Variants in LY86 observed in about 807,000 individuals in gnomAD.
The protein encoded by LY86 is lymphocyte antigen 86.
In LY86, 20 loss-of-function variants were observed where a neutral mutation model predicts 17.3. The ratio of observed to expected loss-of-function variants is 1.15; its 90% CI spans 0.81 to 1.68. The LOEUF is 1.68. Ranked by LOEUF, LY86 falls within the 40% of genes most tolerant of loss-of-function variation. The pLI is 0.00. For synonymous variants in LY86, 74 were observed against 70.6 expected (o/e 1.05, Z -0.24); for missense variants, 200 against 191.9 (o/e 1.04, Z -0.25).
intron 1 of LY86, among the ~76,000 whole-genome samples, chr6:6,614,441 C>G (rs1392286970): frequency 6.6e-6 from 1 of 151,616 alleles, no homozygotes; most frequent in Non-Finnish European, 1.5e-5. Context: ...GCTCTCCGCC[C>G]GAGCACAGAG....
At chr6:6,592,077 G>A (rs756277381) in intron 1 of LY86, among the ~76,000 whole-genome samples, 17 of 151,690 alleles carry the variant, frequency 1.1e-4, no homozygotes, top group Non-Finnish European at 1.5e-4. Context: ...ATTTGAGGCT[G>A]AAAATAGGGT....
Position 6,636,096 on chromosome 6 carries a change from G to A in LY86, c.352+9675G>A, listed in dbSNP as rs577409095. Reference sequence around the variant, plus strand: ...GGGTTTCCAGTTTCGTACATCAGGTGGGGAGTCTGAGAATTTGCATTTCTT... The same window carrying A: ...GGGTTTCCAGTTTCGTACATCAGGTAGGGAGTCTGAGAATTTGCATTTCTT... On this transcript the variant is annotated intron_variant, in intron 3 of 4. Coordinates refer to ENST00000230568, the MANE Select transcript of LY86 (RefSeq NM_004271.4). 3.3e-5 allele frequency among the ~76,000 whole-genome samples: 5 copies of A among 152,238 alleles called. No individual in the cohort carries two copies. The East Asian group carries it at 9.7e-4, about 29-fold the overall frequency.
intron 1 of LY86, among the ~76,000 whole-genome samples, chr6:6,601,006 C>A (rs1483309863): frequency 6.6e-6 from 1 of 152,186 alleles, no homozygotes; most frequent in Non-Finnish European, 1.5e-5. Flanking sequence ...AATAAGTGCA[C>A]ACTTCCAAAA....
chr6:6,649,755 G>A (rs1762160266), intron 4 of LY86, 78 bp downstream of exon 4: 1 of 872,896 alleles, frequency 1.1e-6, no homozygotes, highest in Non-Finnish European at 1.9e-6. Flanking sequence ...AGGGAAAGGA[G>A]GAGAAACCAA....
intron 1 of LY86, among the ~76,000 whole-genome samples, chr6:6,589,901 C>A (rs1760472306): frequency 6.6e-6 from 1 of 151,920 alleles, no homozygotes; most frequent in Non-Finnish European, 1.5e-5. Flanking sequence ...GAGGGTGAAC[C>A]ACTTGAGGTC....
chr6:6,622,277 A>G (rs1761699537), intron 1 of LY86, among the ~76,000 whole-genome samples: 1 of 152,250 alleles, frequency 6.6e-6, no homozygotes, highest in South Asian at 2.1e-4. Flanking sequence ...TACCTTTAAA[A>G]TATTGATAAA....
intron 1 of LY86, among the ~76,000 whole-genome samples, chr6:6,624,503 A>C (rs1378672164): frequency 6.6e-6 from 1 of 152,052 alleles, no homozygotes; most frequent in Admixed American, 6.6e-5. Context: ...ATTAATGTCT[A>C]CTCAAGCTCT....
At chr6:6,601,568 A>T (rs999941448) in intron 1 of LY86, among the ~76,000 whole-genome samples, 1 of 152,066 alleles carries the variant, frequency 6.6e-6, no homozygotes, top group Non-Finnish European at 1.5e-5. Flanking sequence ...TAAATACAAG[A>T]AATTAGCCAG....
intron 1 of LY86, among the ~76,000 whole-genome samples, chr6:6,604,018 A>T (rs1303568675): frequency 6.6e-6 from 1 of 152,220 alleles, no homozygotes. Context: ...TTTGGGCCCC[A>T]AATGTATATA....
Position 6,589,492 on chromosome 6 carries a change from T to G in LY86, c.136+622T>G, listed in dbSNP as rs940543953. Among the ~76,000 whole-genome samples, 10 of 152,194 alleles carry G rather than the reference T, an allele frequency of 6.6e-5. 1 individual carries two copies. The highest frequency in any genetic ancestry group is 2.4e-4 in the African/African-American group (10 of 41,450). ...CGGGCCAACCCAATACGCCAACAGATAATTGCAATTCAGTGAAGAGAATGC... is the reference window on the plus strand; with the variant it reads ...CGGGCCAACCCAATACGCCAACAGAGAATTGCAATTCAGTGAAGAGAATGC... On this transcript the variant is annotated intron_variant, in intron 1 of 4. Coordinates refer to ENST00000230568, the MANE Select transcript of LY86 (RefSeq NM_004271.4).
intron 2 of LY86, 67 bp downstream of exon 2, chr6:6,625,079 A>G (rs928472720): frequency 1.7e-5 from 12 of 694,466 alleles, no homozygotes; most frequent in Admixed American, 2.7e-5. Flanking sequence ...CACACACCCA[A>G]TGACTTATGT....
intron 1 of LY86, among the ~76,000 whole-genome samples, chr6:6,599,837 A>G (rs1316415499): frequency 3.7e-5 from 5 of 136,766 alleles, no homozygotes; most frequent in African/African-American, 1.0e-4. Context: ...CCAGCAGCAG[A>G]GCCCGACAGC....
At position 6,612,509 on chromosome 6, in the gene LY86, C is replaced by CA. The variant is rs566604430; in HGVS notation, c.137-12412dup. On this transcript the variant is annotated intron_variant, in intron 1 of 4. Coordinates refer to ENST00000230568, the MANE Select transcript of LY86 (RefSeq NM_004271.4). ...GTGTAAACAACAAAAACACTTACTG[C>CA]AAAAAGCAAAAGAACAAACCAACCA... Among the ~76,000 whole-genome samples the CA allele has an allele frequency of 1.2e-3, 171 of 137,576 alleles. 3 individuals carry two copies. The South Asian group carries it at 0.038, about 31-fold the overall frequency. 90.3% of individuals were successfully genotyped at this position (137,576 alleles called of 152,430 possible). A position where few individuals can be genotyped will look rare whatever the true frequency, so the allele number is the denominator to read the frequency against.
intron 1 of LY86, among the ~76,000 whole-genome samples, chr6:6,589,108 T>C (rs754034656): frequency 1.5e-4 from 23 of 151,988 alleles, no homozygotes; most frequent in Non-Finnish European, 2.4e-4. Context: ...GAAAGAGAAA[T>C]TGAATCTAAA....
chr6:6,593,152 G>A (rs1467730723), intron 1 of LY86, among the ~76,000 whole-genome samples: 1 of 152,276 alleles, frequency 6.6e-6, no homozygotes, highest in Non-Finnish European at 1.5e-5. Flanking sequence ...TGGGTAGACA[G>A]GGCCTGGGCC....
At chr6:6,604,876 TAAAAG>T (rs1761048254) in intron 1 of LY86, among the ~76,000 whole-genome samples, 1 of 148,558 alleles carries the variant, frequency 6.7e-6, no homozygotes, top group Non-Finnish European at 1.5e-5. Flanking sequence ...AGAAATTACC[TAAAAG>T]AAGTTATAGA....
intron 1 of LY86, among the ~76,000 whole-genome samples, chr6:6,589,482 C>T (rs1362961436): frequency 3.3e-5 from 5 of 152,202 alleles, no homozygotes; most frequent in South Asian, 4.1e-4. Context: ...CAACCCAATA[C>T]GCCAACAGAT....
intron 1 of LY86, among the ~76,000 whole-genome samples, chr6:6,596,388 G>A (rs1197268005): frequency 1.4e-5 from 2 of 138,512 alleles, no homozygotes; most frequent in African/African-American, 2.6e-5. Flanking sequence ...AAACAAGCAT[G>A]CATGAAACAT....
At position 6,624,822 on chromosome 6, in the gene LY86, A is replaced by G. The variant is rs2233122; in HGVS notation, c.137-104A>G. The G allele has an allele frequency of 2.8e-3, 1,736 of 625,480 alleles. 22 individuals are homozygous for G. In the Admixed American group the frequency reaches 0.039, roughly 14 times the overall value. The allele number at this position is 625,480 out of a possible 1,614,324, so 38.7% of individuals were successfully genotyped here. ...AAAGTGTTGGGCAATATGCTTTTGA[A>G]TAAATGTAGCAATTCATGTGAAAAC... On this transcript the variant is annotated intron_variant, in intron 1 of 4. Coordinates refer to ENST00000230568, the MANE Select transcript of LY86 (RefSeq NM_004271.4).
Sources: gnomAD v4.1 joint callset for allele counts (sites outside exome capture counted in the v4.1 genomes callset) on GRCh38, gnomAD v4.1.1 for gene constraint, MANE v1.5 for transcripts, NCBI Gene and HGNC (gene_info 2026-07-23, HGNC 2026-07-21) for gene names.